The following CENPF variants were observed in gnomAD, a reference collection of about 807,000 sequenced individuals.
The protein encoded by CENPF is AH antigen.
CENPF carries 214 observed loss-of-function variants against 307.3 expected under a neutral mutation model. The ratio of observed to expected loss-of-function variants is 0.70; its 90% CI spans 0.62 to 0.78. CENPF has a LOEUF of 0.78. CENPF is among the 30% of genes least tolerant of loss of function. The probability of loss-of-function intolerance (pLI) is 0.00; values close to 1 mark genes in which losing one functional copy is unlikely to be tolerated. For missense variants in CENPF, 3,401 were observed against 3,483.9 expected, an observed-to-expected ratio of 0.98 and a Z score of 0.60; for synonymous variants, 1,259 against 1,270.6, an observed-to-expected ratio of 0.99 and a Z score of 0.19.
rs967258645 is a variant in CENPF at position 214,648,964 on chromosome 1, C to A, written c.7983+137C>A. ...GAAAAAAATAACCCTGTGCTTATGTCATAATCTGATTTATAGTAATCTCTA... is the reference window on the plus strand; with the variant it reads ...GAAAAAAATAACCCTGTGCTTATGTAATAATCTGATTTATAGTAATCTCTA... On this transcript the variant is annotated intron_variant, in intron 14 of 19. Transcript: ENST00000366955. The A allele has an allele frequency of 3.6e-5, 30 of 844,338 alleles. No homozygotes were observed. In the African/African-American group the frequency reaches 4.7e-4, roughly 13 times the overall value. The allele number at this position is 844,338 out of a possible 1,614,324, so 52.3% of individuals were successfully genotyped here. A position where few individuals can be genotyped will look rare whatever the true frequency, so the allele number is the denominator to read the frequency against.
chr1:214,614,877 C>A lies in CENPF; in HGVS notation c.208C>A (p.Gln70Lys). The change falls in exon 3 of 20, where the codon CAA becomes AAA. Residue 70 changes from glutamine (Q) to lysine (K), a missense_variant. By Grantham distance (53) the Gln-to-Lys change is moderately conservative (BLOSUM62 1). Transcript: ENST00000366955. Reference sequence around the variant, plus strand: ...GGGTACAAACCTGAAAAGGGAGAATCAAAGATTGATGGAAATATGTGAAAG... The same window carrying A: ...GGGTACAAACCTGAAAAGGGAGAATAAAAGATTGATGGAAATATGTGAAAG... Reference protein sequence around the residue: ...TEGTNLKRENQRLMEICESLE... With the variant: ...TEGTNLKRENKRLMEICESLE... 1 of 1,605,252 alleles carries A rather than the reference C, an allele frequency of 6.2e-7. No homozygotes were observed. Among genetic ancestry groups the A allele is most frequent in the South Asian group, 1.1e-5 (1 of 88,734 alleles).
chr1:214,643,391 G>A (rs1658191896), intron 12 of CENPF, 67 bp downstream of exon 12: 2 of 1,273,910 alleles, frequency 1.6e-6, no homozygotes, highest in Non-Finnish European at 2.1e-6. Context: ...GTAAATGTTT[G>A]TCTAATTGAA....
chr1:214,659,454 A>G lies in CENPF; in HGVS notation c.9141+426A>G, dbSNP rs1304366339. ...TTAATCCTTTACTTTCTTAAAAAAA[A>G]AAAAAGCACATATTTCAATAGATAT... is the stretch of plus-strand genomic sequence containing the variant. On this transcript the variant is annotated intron_variant, in intron 19 of 19. Transcript: ENST00000366955. The surrounding 1 kb of genome is among the most constrained non-coding windows in gnomAD (Gnocchi z 4.4). Among the ~76,000 whole-genome samples, 1 of 152,156 alleles carries G rather than the reference A, an allele frequency of 6.6e-6. No individual in the cohort carries two copies. Among genetic ancestry groups the G allele is most frequent in the Non-Finnish European group, 1.5e-5 (1 of 68,030 alleles).
intron 7 of CENPF, among the ~76,000 whole-genome samples, chr1:214,624,478 A>G (rs952008716): frequency 5.3e-5 from 8 of 152,202 alleles, no homozygotes; most frequent in Admixed American, 1.3e-4. Context: ...AAAATTATCC[A>G]TTTCATATTG....
intron 16 of CENPF, chr1:214,653,861 T>C (rs889768755): frequency 2.0e-5 from 3 of 152,164 alleles, no homozygotes; most frequent in African/African-American, 7.2e-5. Flanking sequence ...GGTTTAATAA[T>C]AGAAGGAAGT....
chr1:214,625,366 A>G (rs1196573658), intron 7 of CENPF, among the ~76,000 whole-genome samples: 1 of 151,980 alleles, frequency 6.6e-6, no homozygotes, highest in Non-Finnish European at 1.5e-5. Context: ...GACTACAGGC[A>G]CCCACGACCA....
In CENPF at chr1:214,651,746, T is replaced by G. The variant is rs563868000; in HGVS notation, c.8020T>G (p.Leu2674Val). 6.2e-7 allele frequency: 1 copy of G among 1,603,618 alleles called. No homozygotes were observed. Among genetic ancestry groups the G allele is most frequent in the Non-Finnish European group, 8.5e-7 (1 of 1,177,302 alleles). ...LKELTLENSE[L>V]KKSLDCMHKD... ...GGAGCTCACACTAGAAAATAGTGAATTGAAGAAGAGCCTAGATTGCATGCA... is the reference window on the plus strand; with the variant it reads ...GGAGCTCACACTAGAAAATAGTGAAGTGAAGAAGAGCCTAGATTGCATGCA... Residue 2674 changes from leucine (L) to valine (V), a missense_variant, in exon 15 of 20, where the codon TTG becomes GTG. Physicochemically the swap from Leu to Val is conservative, Grantham distance 32 (BLOSUM62 1). Transcript: ENST00000366955.
At position 214,614,999 on chromosome 1, in the gene CENPF, A is replaced by G. The variant is rs144231687; in HGVS notation, c.330A>G (p.Gln110=). The change falls in exon 3 of 20, where the codon CAA becomes CAG. Residue 110 remains glutamine (Q), a synonymous_variant. Transcript: ENST00000366955. ...GACAACTGAATTCAGGCAAAAAACA[A>G]ATAGAAAAACTGGAACAGGAACTTA... The part of the protein sequence containing the change: ...QEGQLNSGKK[Q]IEKLEQELKR... 2.9e-4 allele frequency: 468 copies of G among 1,603,238 alleles called. 1 individual carries two copies. Among genetic ancestry groups the G allele is most frequent in the Non-Finnish European group, 3.3e-4 (394 of 1,176,676 alleles).
chr1:214,609,759 C>T (rs1392015739), intron 1 of CENPF, among the ~76,000 whole-genome samples: 1 of 152,076 alleles, frequency 6.6e-6, no homozygotes, highest in Non-Finnish European at 1.5e-5. Flanking sequence ...CTCAAGGAGG[C>T]CTCAGTGTCT....
chr1:214,639,436 C>A (rs1295079810), intron 11 of CENPF, among the ~76,000 whole-genome samples: 1 of 152,098 alleles, frequency 6.6e-6, no homozygotes, highest in Admixed American at 6.5e-5. Context: ...TAAGTCTAAT[C>A]CTGTGGATGT....
At chr1:214,611,385 A>G (rs1571693117) in intron 1 of CENPF, among the ~76,000 whole-genome samples, 1 of 149,940 alleles carries the variant, frequency 6.7e-6, no homozygotes. Context: ...TTTTTTTGAG[A>G]TGGAGTTTCG....
chr1:214,645,888 G>A lies in CENPF; in HGVS notation c.6318G>A (p.Arg2106=). ...TGGAGAAAGGTGAGTTCGCATTGAG[G>A]CTGAGCTCAACACAGGAGGAAGTGC... The part of the protein sequence containing the change: ...ALVEKGEFAL[R]LSSTQEEVHQ... Residue 2106 remains arginine (R), a synonymous_variant, in exon 13 of 20, where the codon AGG becomes AGA. Coordinates refer to ENST00000366955, the MANE Select transcript of CENPF (RefSeq NM_016343.4). 1 of 1,614,110 alleles carries A rather than the reference G, an allele frequency of 6.2e-7. No homozygotes were observed.
intron 14 of CENPF, 122 bp downstream of exon 14, chr1:214,648,949 AC>A: frequency 1.0e-6 from 1 of 961,962 alleles, no homozygotes; most frequent in Non-Finnish European, 1.5e-6. Context: ...GAAAAAAATA[AC>A]CCTGTGCTTA....
At chr1:214,656,512 C>T (rs941832024) in intron 17 of CENPF, among the ~76,000 whole-genome samples, 3 of 152,176 alleles carry the variant, frequency 2.0e-5, no homozygotes, top group African/African-American at 7.2e-5. Flanking sequence ...CTGTTAGAAT[C>T]TTGTCTCCCA....
chr1:214,605,441 GTT>G (rs201067704), intron 1 of CENPF: 274 of 400,060 alleles, frequency 6.8e-4, no homozygotes, highest in Middle Eastern at 1.4e-3. Context: ...AATCCGCTTT[GTT>G]TTTTTTTTTT....
chr1:214,624,249 C>A (rs372899774), intron 7 of CENPF, among the ~76,000 whole-genome samples: 14 of 151,994 alleles, frequency 9.2e-5, no homozygotes, highest in Admixed American at 6.6e-4. Flanking sequence ...TTTTTTTCCC[C>A]TGCCATCTTT....
In CENPF at chr1:214,640,714, C is replaced by A; in HGVS notation, c.2376C>A (p.Ala792=). The change falls in exon 12 of 20, where the codon GCC becomes GCA. Residue 792 remains alanine, a synonymous_variant. Transcript: ENST00000366955. ...TTTTGGCTTTTGATCAGCAGCCTGC[C>A]ATGCATCATTCCTTTGCAAATATAA... ...RSLLAFDQQP[A]MHHSFANIIG... is the part of the protein sequence containing the mutation. The A allele has an allele frequency of 6.2e-7, 1 of 1,614,048 alleles. No individual in the cohort carries two copies. Among genetic ancestry groups the A allele is most frequent in the Non-Finnish European group, 8.5e-7 (1 of 1,179,976 alleles).
At position 214,645,215 on chromosome 1, in the gene CENPF, T is replaced by C. The variant is rs964425100; in HGVS notation, c.5645T>C (p.Ile1882Thr). Residue 1882 changes from isoleucine to threonine, a missense_variant, in exon 13 of 20, where the codon ATT becomes ACT. By Grantham distance (89) the Ile-to-Thr change is moderately conservative. Coordinates refer to ENST00000366955, the MANE Select transcript of CENPF (RefSeq NM_016343.4). ...GCAGATAAATCATCACGTGAAGATA[T>C]TGGAGATAATGTGGCCAAGGTGAAT... ...MHADKSSREDIGDNVAKVNDS... is the reference protein window; with the variant it reads ...MHADKSSREDTGDNVAKVNDS... The C allele has an allele frequency of 2.5e-6, 4 of 1,613,878 alleles. No homozygotes were observed. Among genetic ancestry groups the C allele is most frequent in the Admixed American group, 3.3e-5 (2 of 59,974 alleles).
intron 15 of CENPF, among the ~76,000 whole-genome samples, chr1:214,652,356 A>C (rs967876446): frequency 6.7e-6 from 1 of 150,314 alleles, no homozygotes; most frequent in Non-Finnish European, 1.5e-5. Context: ...TTAAAAAGGT[A>C]TATTTCCATT....
Sources: allele counts gnomAD v4.1 joint callset (sites outside exome capture counted in the v4.1 genomes callset), GRCh38; gene constraint gnomAD v4.1.1; non-coding constraint Gnocchi (gnomAD v3.1); transcripts MANE v1.5; gene names NCBI Gene and HGNC (gene_info 2026-07-23, HGNC 2026-07-21).